Variants in SEL1L2 observed in about 807,000 individuals in gnomAD.
SEL1L2 encodes SEL1L2 adaptor subunit of SYVN1 ubiquitin ligase.
SEL1L2 carries 89 observed loss-of-function variants against 98.8 expected under a neutral mutation model. That is an observed-to-expected ratio of 0.90 (90% CI 0.76 to 1.07). The LOEUF is 1.07. Among genes scored for constraint, SEL1L2 ranks in the 50% least tolerant of loss-of-function variants. SEL1L2 has a pLI of 0.00. For synonymous variants in SEL1L2, 262 were observed against 278.5 expected (o/e 0.94, Z 0.59); for missense variants, 788 against 812.0 (o/e 0.97, Z 0.36).
At chr20:13,918,635 A>C (rs546009206) in intron 4 of SEL1L2, among the ~76,000 whole-genome samples, 1 of 152,350 alleles carries the variant, frequency 6.6e-6, no homozygotes, top group East Asian at 1.9e-4. Context: ...AAAAATCATA[A>C]GATACTGTAC....
At chr20:13,995,222 T>G (rs2052613519), upstream of SEL1L2, 2 of 178,620 alleles carry the variant, frequency 1.1e-5, no homozygotes, top group Non-Finnish European at 2.3e-5. This position sits in a 1 kb window ranked among gnomAD's most constrained non-coding sequence, Gnocchi z 4.3. Flanking sequence ...TCCACCTCCC[T>G]CTCCCACTAG....
intron 2 of SEL1L2, among the ~76,000 whole-genome samples, chr20:13,953,302 C>T (rs1234652654): frequency 6.6e-6 from 1 of 152,056 alleles, no homozygotes; most frequent in Non-Finnish European, 1.5e-5. Context: ...CTCTTCTCAC[C>T]TTCAGGCTAT....
At chr20:13,903,497 T>C (rs549088243) in intron 5 of SEL1L2, among the ~76,000 whole-genome samples, 8 of 152,346 alleles carry the variant, frequency 5.3e-5, no homozygotes, top group Admixed American at 1.3e-4. Context: ...ATTGGTAATA[T>C]GCCTTTCTTT....
intron 5 of SEL1L2, among the ~76,000 whole-genome samples, chr20:13,908,047 A>G (rs1313025298): frequency 2.1e-5 from 3 of 142,790 alleles, no homozygotes; most frequent in Non-Finnish European, 4.5e-5. Flanking sequence ...CAGCCTCCCA[A>G]AGTGTTAGGA....
intron 1 of SEL1L2, among the ~76,000 whole-genome samples, chr20:13,969,725 C>T (rs185808358): frequency 4.6e-5 from 7 of 152,222 alleles, no homozygotes; most frequent in African/African-American, 7.2e-5. Context: ...TATTCTTTTC[C>T]GAATATCCAA....
chr20:13,986,986 C>A (rs2052224143), intron 1 of SEL1L2, among the ~76,000 whole-genome samples: 1 of 152,112 alleles, frequency 6.6e-6, no homozygotes. Context: ...GTGCCCGCCA[C>A]AAGTCCAGCT....
At chr20:13,926,037 G>A (rs1191921552) in intron 3 of SEL1L2, among the ~76,000 whole-genome samples, 1 of 152,204 alleles carries the variant, frequency 6.6e-6, no homozygotes, top group East Asian at 1.9e-4. Flanking sequence ...GGACCTTCAG[G>A]GCCGGGAGCC....
intron 2 of SEL1L2, among the ~76,000 whole-genome samples, chr20:13,939,057 T>TTTTTTTTTTTGTG: frequency 6.9e-6 from 1 of 144,536 alleles, no homozygotes. Flanking sequence ...TTTTTTTTTT[T>TTTTTTTTTTTGTG]TTCTGAGATG....
intron 1 of SEL1L2, among the ~76,000 whole-genome samples, chr20:13,977,135 T>C (rs960997261): frequency 2.6e-5 from 4 of 152,188 alleles, no homozygotes; most frequent in African/African-American, 9.7e-5. Context: ...GCATACATTG[T>C]TCATGATCAT....
At chr20:13,915,884 G>T (rs1360308001) in intron 4 of SEL1L2, among the ~76,000 whole-genome samples, 2 of 152,162 alleles carry the variant, frequency 1.3e-5, no homozygotes, top group Non-Finnish European at 2.9e-5. Flanking sequence ...TCTCTACAGG[G>T]TCTGGCATTG....
chr20:13,930,273 T>C (rs1228390234), intron 3 of SEL1L2, among the ~76,000 whole-genome samples: 1 of 152,204 alleles, frequency 6.6e-6, no homozygotes, highest in Non-Finnish European at 1.5e-5. Flanking sequence ...GTTTCTTCCC[T>C]GCCTCCTCAA....
intron 4 of SEL1L2, among the ~76,000 whole-genome samples, chr20:13,916,392 T>G (rs1257298766): frequency 2.6e-5 from 4 of 152,154 alleles, no homozygotes; most frequent in Non-Finnish European, 4.4e-5. Context: ...AGATGTAACT[T>G]GTTTAAGGAG....
intron 17 of SEL1L2, among the ~76,000 whole-genome samples, chr20:13,860,266 C>A (rs1377606761): frequency 1.3e-5 from 2 of 152,188 alleles, no homozygotes; most frequent in Non-Finnish European, 2.9e-5. Flanking sequence ...TTTCTCTGTT[C>A]CCCTTTACAC....
At chr20:13,882,347 G>T (rs975126591) in intron 10 of SEL1L2, among the ~76,000 whole-genome samples, 1 of 152,188 alleles carries the variant, frequency 6.6e-6, no homozygotes, top group Admixed American at 6.5e-5. Flanking sequence ...TCTGCCCATT[G>T]AGAGGAGAAG....
Position 13,978,621 on chromosome 20 carries a change from G to A in SEL1L2, c.58+11856C>T, listed in dbSNP as rs534658168. ...AGACACCTGTGCCTCCATATCTATT[G>A]CAGCACTATTCACAATAACCAAGAT... On this transcript the variant is annotated intron_variant, in intron 1 of 19. Coordinates refer to ENST00000284951, the MANE Select transcript of SEL1L2 (RefSeq NM_025229.2). 3.3e-5 allele frequency among the ~76,000 whole-genome samples: 5 copies of A among 152,108 alleles called. No individual in the cohort carries two copies. The East Asian group carries it at 7.7e-4, about 24-fold the overall frequency.
At position 13,866,719 on chromosome 20, in the gene SEL1L2, A is replaced by C; in HGVS notation, c.1387T>G (p.Cys463Gly). 1.3e-6 allele frequency: 2 copies of C among 1,592,820 alleles called. No individual in the cohort carries two copies. The highest frequency in any genetic ancestry group is 1.7e-6 in the Non-Finnish European group (2 of 1,172,486). The change falls in exon 15 of 20, where the codon TGC becomes GGC. Residue 463 changes from cysteine (C) to glycine (G), a missense_variant. Coordinates refer to ENST00000284951, the MANE Select transcript of SEL1L2 (RefSeq NM_025229.2). ...ATATTTACCTCCACAGCAGTTCTGCATGATCTTACTACTCCTGTTCCTGTT... is the reference window on the plus strand; with the variant it reads ...ATATTTACCTCCACAGCAGTTCTGCCTGATCTTACTACTCCTGTTCCTGTT... Reference protein sequence around the residue: ...YATGTGVVRSCRTAVELYKGV... With the variant: ...YATGTGVVRSGRTAVELYKGV...
rs560906314 is a variant in SEL1L2, at chr20:13,862,334, C to A, written c.1645+2833G>T. ...TAAGGGTCCCCTTGGGGTCTATGTT[C>A]CCATCCACAAAGAGAGTGTTGATTG... On this transcript the variant is annotated intron_variant, in intron 17 of 19. Coordinates refer to ENST00000284951, the MANE Select transcript of SEL1L2 (RefSeq NM_025229.2). Among the ~76,000 whole-genome samples, 38 of 152,252 alleles carry A rather than the reference C, an allele frequency of 2.5e-4. No individual in the cohort carries two copies. The East Asian group carries it at 7.1e-3, about 29-fold the overall frequency.
intron 2 of SEL1L2, among the ~76,000 whole-genome samples, chr20:13,934,130 TC>T (rs1439578704): frequency 2.0e-5 from 3 of 149,706 alleles, no homozygotes; most frequent in Admixed American, 6.7e-5. Flanking sequence ...TCCTACCCTT[TC>T]CCCCCAATTC....
chr20:13,929,422 T>C (rs560343391), intron 3 of SEL1L2, among the ~76,000 whole-genome samples: 10 of 151,628 alleles, frequency 6.6e-5, no homozygotes, highest in African/African-American at 2.2e-4. Flanking sequence ...TCCTTTTAGT[T>C]CATGCCATCT....
Sources: allele counts gnomAD v4.1 joint callset (sites outside exome capture counted in the v4.1 genomes callset), GRCh38; gene constraint gnomAD v4.1.1; non-coding constraint Gnocchi (gnomAD v3.1); transcripts MANE v1.5; gene names NCBI Gene and HGNC (gene_info 2026-07-23, HGNC 2026-07-21).